The following ARID4B variants were observed in gnomAD, a reference collection of about 807,000 sequenced individuals.
ARID4B encodes the protein AT-rich interactive domain-containing protein 4B.
ARID4B carries 26 observed loss-of-function variants against 147.5 expected under a neutral mutation model. The observed-to-expected ratio is 0.18, with a 90% confidence interval of 0.13 to 0.24. The LOEUF is 0.24. ARID4B is among the 10% of genes least tolerant of loss of function. The probability of loss-of-function intolerance (pLI) is 1.00; values close to 1 mark genes in which losing one functional copy is unlikely to be tolerated. For missense variants in ARID4B, 1,179 were observed against 1,511.5 expected, an observed-to-expected ratio of 0.78 and a Z score of 3.65; for synonymous variants, 512 against 507.9, an observed-to-expected ratio of 1.01 and a Z score of -0.11.
At chr1:235,293,813 A>G (rs1159061370) in intron 2 of ARID4B, among the ~76,000 whole-genome samples, 1 of 150,652 alleles carries the variant, frequency 6.6e-6, no homozygotes, top group East Asian at 1.9e-4. Flanking sequence ...CATTAAGCAA[A>G]AAATATATAT....
chr1:235,243,774 T>C (rs1669134254), intron 7 of ARID4B, among the ~76,000 whole-genome samples: 1 of 152,198 alleles, frequency 6.6e-6, no homozygotes, highest in African/African-American at 2.4e-5. Flanking sequence ...TAAATTGAAA[T>C]GTTCTATTAG....
In ARID4B at chr1:235,181,814, T is replaced by C; in HGVS notation, c.3105A>G (p.Val1035=). Residue 1035 remains valine (V), a synonymous_variant, in exon 20 of 24, where the codon GTA becomes GTG. Transcript: ENST00000264183. The part of the protein sequence containing the change: ...TTPESPSSVT[V]TEGSRQQSSV... ...AAGACTGCTGCCGGCTGCCTTCTGT[T>C]ACAGTGACTGATGAAGGCGATTCAG... The C allele has an allele frequency of 6.2e-7, 1 of 1,614,166 alleles. No individual in the cohort carries two copies. The highest frequency in any genetic ancestry group is 8.5e-7 in the Non-Finnish European group (1 of 1,180,022).
chr1:235,286,892 T>C (rs1457503933), intron 2 of ARID4B, among the ~76,000 whole-genome samples: 1 of 152,218 alleles, frequency 6.6e-6, no homozygotes, highest in East Asian at 1.9e-4. Flanking sequence ...CTTGCACTAA[T>C]GCTGGGATGG....
chr1:235,173,793 T>TACCTAAAAC (rs1663620139), intron 22 of ARID4B, among the ~76,000 whole-genome samples: 5 of 70,980 alleles, frequency 7.0e-5, no homozygotes, highest in African/African-American at 2.9e-4. Context: ...TATATATATA[T>TACCTAAAAC]ATATATATAT....
chr1:235,230,792 G>A (rs566396664), intron 10 of ARID4B, among the ~76,000 whole-genome samples: 12 of 151,638 alleles, frequency 7.9e-5, no homozygotes, highest in Non-Finnish European at 1.5e-4. Context: ...GCATGGCGGC[G>A]TGTGCCTGTA....
At chr1:235,262,217 G>C (rs1240213835) in intron 2 of ARID4B, among the ~76,000 whole-genome samples, 1 of 152,038 alleles carries the variant, frequency 6.6e-6, no homozygotes, top group East Asian at 1.9e-4. Flanking sequence ...CTATCATACA[G>C]AGTAATCTAT....
At chr1:235,201,554 G>A (rs186969602) in intron 17 of ARID4B, among the ~76,000 whole-genome samples, 24 of 152,234 alleles carry the variant, frequency 1.6e-4, no homozygotes, top group Admixed American at 1.4e-3. Context: ...AAACTCCTGG[G>A]CTCTAGTGAT....
At chr1:235,237,914 GCTGAGGCGGGCAGATCAC>G (rs1411236560) in intron 8 of ARID4B, among the ~76,000 whole-genome samples, 1 of 152,080 alleles carries the variant, frequency 6.6e-6, no homozygotes, top group East Asian at 1.9e-4. Context: ...ATTTTGGGAG[GCTGAGGCGGGCAGATCAC>G]CTGAGGTCAG....
intron 2 of ARID4B, among the ~76,000 whole-genome samples, chr1:235,276,872 T>C (rs919753671): frequency 1.1e-4 from 17 of 151,088 alleles, no homozygotes; most frequent in African/African-American, 3.4e-4. Flanking sequence ...TGGTAGCGGG[T>C]GCCTGTAATC....
intron 3 of ARID4B, among the ~76,000 whole-genome samples, chr1:235,260,123 G>C (rs1205496385): frequency 6.6e-6 from 1 of 152,198 alleles, no homozygotes; most frequent in African/African-American, 2.4e-5. Flanking sequence ...ACTTTAGAAA[G>C]ATGTTTCAAG....
At chr1:235,198,813 C>T (rs1665677364) in intron 17 of ARID4B, among the ~76,000 whole-genome samples, 1 of 152,134 alleles carries the variant, frequency 6.6e-6, no homozygotes, top group African/African-American at 2.4e-5. Context: ...TTAAAATTCT[C>T]ATGGGGCCGG....
intron 19 of ARID4B, among the ~76,000 whole-genome samples, chr1:235,183,691 T>C (rs1405213921): frequency 6.6e-6 from 1 of 151,962 alleles, no homozygotes; most frequent in Non-Finnish European, 1.5e-5. Flanking sequence ...AGCAAGCTAC[T>C]GCACCTGGCC....
chr1:235,277,365 C>T (rs1671381910), intron 2 of ARID4B, among the ~76,000 whole-genome samples: 1 of 151,916 alleles, frequency 6.6e-6, no homozygotes, highest in Admixed American at 6.6e-5. Context: ...CATAGTGAAA[C>T]CCGGTCTCTA....
At chr1:235,213,733 T>G in intron 17 of ARID4B, 36 bp downstream of exon 17, 1 of 1,573,476 alleles carries the variant, frequency 6.4e-7, no homozygotes, top group Non-Finnish European at 8.6e-7. Context: ...TTATAATTGT[T>G]TTTAGGTAAT....
chr1:235,311,356 CAATAATAATAATAATAATAAT>C (rs57278836), intron 2 of ARID4B, among the ~76,000 whole-genome samples: 39 of 136,722 alleles, frequency 2.9e-4, no homozygotes, highest in Middle Eastern at 3.7e-3. Flanking sequence ...TGTCTCAAAA[CAATAATAATAATAATAATAAT>C]AATAATAATA....
chr1:235,274,466 A>G (rs1309631434), intron 2 of ARID4B, among the ~76,000 whole-genome samples: 1 of 152,224 alleles, frequency 6.6e-6, no homozygotes, highest in Non-Finnish European at 1.5e-5. Flanking sequence ...CCAGATGTAC[A>G]AATGACCCAG....
At position 235,181,832 on chromosome 1, in the gene ARID4B, C is replaced by T. The variant is rs762767408; in HGVS notation, c.3087G>A (p.Ser1029=). The change falls in exon 20 of 24, where the codon TCG becomes TCA. Residue 1029 remains serine (S), a synonymous_variant. Transcript: ENST00000264183. ...CTTCTGTTACAGTGACTGATGAAGGCGATTCAGGTGTAGTAGGAGGGGTAT... is the reference window on the plus strand; with the variant it reads ...CTTCTGTTACAGTGACTGATGAAGGTGATTCAGGTGTAGTAGGAGGGGTAT... The part of the protein sequence containing the change: ...VLNTPPTTPE[S]PSSVTVTEGS... 7 of 1,613,934 alleles carry T rather than the reference C, an allele frequency of 4.3e-6. No individual in the cohort carries two copies. The East Asian group carries it at 6.7e-5, about 15-fold the overall frequency.
intron 2 of ARID4B, 27 bp from the exon 3 acceptor site, chr1:235,260,779 A>T: frequency 1.4e-6 from 2 of 1,475,682 alleles, no homozygotes; most frequent in Non-Finnish European, 1.9e-6. Context: ...ATATAATTAG[A>T]TTTAAACTCT....
At chr1:235,244,794 T>C (rs1433644470) in intron 7 of ARID4B, among the ~76,000 whole-genome samples, 1 of 152,136 alleles carries the variant, frequency 6.6e-6, no homozygotes, top group Non-Finnish European at 1.5e-5. Flanking sequence ...AATGGAGTAA[T>C]GGAAGAGGAA....
Sources: allele counts gnomAD v4.1 joint callset (sites outside exome capture counted in the v4.1 genomes callset), GRCh38; gene constraint gnomAD v4.1.1; transcripts MANE v1.5; gene names NCBI Gene and HGNC (gene_info 2026-07-23, HGNC 2026-07-21).